Variants in GXYLT1 observed in about 807,000 individuals in gnomAD.
GXYLT1 encodes the protein glycosyltransferase 8 domain containing 3.
GXYLT1 carries 29 observed loss-of-function variants against 54.0 expected under a neutral mutation model. That is an observed-to-expected ratio of 0.54 (90% confidence interval 0.40 to 0.73). The LOEUF is 0.73. Among genes scored for constraint, GXYLT1 ranks in the 30% least tolerant of loss-of-function variants. The probability of loss-of-function intolerance (pLI) is 0.00; values close to 1 mark genes in which losing one functional copy is unlikely to be tolerated. For synonymous variants in GXYLT1, 176 were observed against 204.1 expected (o/e 0.86, Z 1.17); for missense variants, 490 against 553.4 (o/e 0.89, Z 1.15).
chr12:42,117,620 A>C (rs955445178), intron 3 of GXYLT1, among the ~76,000 whole-genome samples: 1 of 152,228 alleles, frequency 6.6e-6, no homozygotes, highest in South Asian at 2.1e-4. Context: ...AGATGTAAAC[A>C]GACAATAGAG....
rs553804255 is a variant in GXYLT1 at position 42,124,735 on chromosome 12, G to A, written c.314+5024C>T. 2.0e-5 allele frequency among the ~76,000 whole-genome samples: 3 copies of A among 152,166 alleles called. No homozygotes were observed. The South Asian group carries it at 6.2e-4, about 32-fold the overall frequency. On this transcript the variant is annotated intron_variant, in intron 2 of 7. Coordinates refer to ENST00000398675, the MANE Select transcript of GXYLT1 (RefSeq NM_173601.2). ...AAAAATATTTGAACTCCTTTCATAT[G>A]GGCACTGGGGTAGGCAAGAAAGCCA...
In GXYLT1 at chr12:42,111,898, G is replaced by A. The variant is rs542168143; in HGVS notation, c.487-2207C>T. On this transcript the variant is annotated intron_variant, in intron 3 of 7. Coordinates refer to ENST00000398675, the MANE Select transcript of GXYLT1 (RefSeq NM_173601.2). ...TGGGAGGCACCCCACTGTAGGGGCG[G>A]ACTGACACCTCACACAGCCAGGTAC... Among the ~76,000 whole-genome samples, 3 of 152,310 alleles carry A rather than the reference G, an allele frequency of 2.0e-5. No individual in the cohort carries two copies. In the East Asian group the frequency reaches 5.8e-4, roughly 29 times the overall value.
At chr12:42,113,224 TA>T (rs2136898812) in intron 3 of GXYLT1, among the ~76,000 whole-genome samples, 1 of 151,080 alleles carries the variant, frequency 6.6e-6, no homozygotes, top group South Asian at 2.1e-4. Context: ...CTACATGAAC[TA>T]ACGAGCAAAA....
At chr12:42,099,798 C>T (rs1317608117) in intron 5 of GXYLT1, among the ~76,000 whole-genome samples, 1 of 152,066 alleles carries the variant, frequency 6.6e-6, no homozygotes, top group Non-Finnish European at 1.5e-5. Flanking sequence ...TTGCAGTGAG[C>T]CAAGATTGTG....
At chr12:42,129,280 C>T (rs1385849693) in intron 2 of GXYLT1, among the ~76,000 whole-genome samples, 1 of 152,166 alleles carries the variant, frequency 6.6e-6, no homozygotes, top group African/African-American at 2.4e-5. Context: ...TAGCCAGGAG[C>T]TGCTCCTCCA....
chr12:42,097,632 CAA>C lies in GXYLT1; in HGVS notation c.989-20_989-19del, dbSNP rs1565566655. 3 of 1,591,146 alleles carry C rather than the reference CAA, an allele frequency of 1.9e-6. No homozygotes were observed. Among genetic ancestry groups the C allele is most frequent in the Non-Finnish European group, 1.7e-6 (2 of 1,171,618 alleles). On this transcript the variant is annotated intron_variant, in intron 6 of 7. Coordinates refer to ENST00000398675, the MANE Select transcript of GXYLT1 (RefSeq NM_173601.2). ...AAGGCTTTCTACATAAAGAAAAGACCAAACAATGAAGCAAATACCCCTAATTC... is the reference window on the plus strand; with the variant it reads ...AAGGCTTTCTACATAAAGAAAAGACCACAATGAAGCAAATACCCCTAATTC...
At chr12:42,125,637 C>G (rs2065556257) in intron 2 of GXYLT1, among the ~76,000 whole-genome samples, 1 of 152,014 alleles carries the variant, frequency 6.6e-6, no homozygotes, top group African/African-American at 2.4e-5. Context: ...AAATTAAGCC[C>G]CAGAACAATA....
chr12:42,088,190 A>G (rs1210704836), intron 7 of GXYLT1, among the ~76,000 whole-genome samples: 2 of 152,142 alleles, frequency 1.3e-5, no homozygotes, highest in East Asian at 3.8e-4. Flanking sequence ...AGGGCAGAGA[A>G]GACTGAAATA....
At chr12:42,134,228 G>A (rs938324591) in intron 1 of GXYLT1, among the ~76,000 whole-genome samples, 2 of 151,876 alleles carry the variant, frequency 1.3e-5, no homozygotes, top group Non-Finnish European at 2.9e-5. Flanking sequence ...AGAGAGAGAA[G>A]AAAAAGTAAA....
chr12:42,105,151 T>C (rs188923511), intron 5 of GXYLT1, among the ~76,000 whole-genome samples: 1 of 152,334 alleles, frequency 6.6e-6, no homozygotes, highest in Admixed American at 6.5e-5. Context: ...ACTTGCAACT[T>C]AGATATACAA....
chr12:42,084,907 A>AT lies in GXYLT1; in HGVS notation c.*2878dup, dbSNP rs1329468948. ...ATTTTAAAGGCATCCCACTTTGGTA[A>AT]TACTGTAGCCCAGAGATAGTTCTGA... On this transcript the variant is annotated 3_prime_UTR_variant, in exon 8 of 8. Transcript: ENST00000398675. 6.6e-6 allele frequency: 1 copy of AT among 152,300 alleles called. No homozygotes were observed. Among genetic ancestry groups the AT allele is most frequent in the Non-Finnish European group, 1.5e-5 (1 of 68,054 alleles). 9.4% of individuals were successfully genotyped at this position (152,300 alleles called of 1,614,324 possible). A position where few individuals can be genotyped will look rare whatever the true frequency, so the allele number is the denominator to read the frequency against.
At chr12:42,108,408 T>A (rs557356828) in intron 4 of GXYLT1, among the ~76,000 whole-genome samples, 2 of 152,344 alleles carry the variant, frequency 1.3e-5, no homozygotes, top group East Asian at 3.9e-4. Context: ...AGGAAACCTG[T>A]GTGTTCTATT....
chr12:42,119,298 C>G lies in GXYLT1; in HGVS notation c.315-127G>C, dbSNP rs824690. 5.5e-6 allele frequency: 4 copies of G among 724,080 alleles called. No homozygotes were observed. The African/African-American group carries it at 7.1e-5, about 13-fold the overall frequency. The allele number at this position is 724,080 out of a possible 1,614,324, so 44.9% of individuals were successfully genotyped here. A position where few individuals can be genotyped will look rare whatever the true frequency, so the allele number is the denominator to read the frequency against. ...ACTCATGCCTGCAGTCCCAGCTACA[C>G]GGGAAGCTAAGGCAGGAGGATCACT... On this transcript the variant is annotated intron_variant, in intron 2 of 7. Transcript: ENST00000398675.
At chr12:42,111,254 T>C (rs950990226) in intron 3 of GXYLT1, among the ~76,000 whole-genome samples, 5 of 152,216 alleles carry the variant, frequency 3.3e-5, no homozygotes, top group African/African-American at 9.6e-5. Flanking sequence ...ACCGGGTTCA[T>C]CTCACTGGGG....
chr12:42,118,039 A>G (rs779306452), intron 3 of GXYLT1, among the ~76,000 whole-genome samples: 3 of 152,352 alleles, frequency 2.0e-5, no homozygotes, highest in East Asian at 1.9e-4. Flanking sequence ...GCTCAGCCAC[A>G]GTAAGACGAA....
chr12:42,113,061 C>T lies in GXYLT1; in HGVS notation c.487-3370G>A, dbSNP rs964805680. On this transcript the variant is annotated intron_variant, in intron 3 of 7. Transcript: ENST00000398675. Reference sequence around the variant, plus strand: ...TCATAACTGAAGGAGAAATAAAATACTTTACAGACAAGCAAATGCTGAGAG... The same window carrying T: ...TCATAACTGAAGGAGAAATAAAATATTTTACAGACAAGCAAATGCTGAGAG... 8.6e-5 allele frequency among the ~76,000 whole-genome samples: 13 copies of T among 151,128 alleles called. 3 individuals are homozygous for T. The highest frequency in any genetic ancestry group is 3.2e-4 in the African/African-American group (13 of 40,430).
chr12:42,139,190 C>T (rs1170561665), intron 1 of GXYLT1, among the ~76,000 whole-genome samples: 3 of 151,818 alleles, frequency 2.0e-5, no homozygotes, highest in African/African-American at 7.3e-5. Flanking sequence ...AGAGTGAAAC[C>T]TTGTCTCAGA....
intron 1 of GXYLT1, among the ~76,000 whole-genome samples, chr12:42,134,420 T>G (rs1565581279): frequency 6.6e-6 from 1 of 152,156 alleles, no homozygotes; most frequent in Non-Finnish European, 1.5e-5. Context: ...CAAGCTATCG[T>G]CCTGCCTCAG....
intron 2 of GXYLT1, among the ~76,000 whole-genome samples, chr12:42,121,516 A>G (rs2065531440): frequency 6.6e-6 from 1 of 152,062 alleles, no homozygotes; most frequent in African/African-American, 2.4e-5. Flanking sequence ...CTGTACTCCT[A>G]GCTACTTAAA....
Sources: gnomAD v4.1 joint callset for allele counts (sites outside exome capture counted in the v4.1 genomes callset) on GRCh38, gnomAD v4.1.1 for gene constraint, MANE v1.5 for transcripts, NCBI Gene and HGNC (gene_info 2026-07-23, HGNC 2026-07-21) for gene names.